Variants in PTPRK observed in about 807,000 individuals in gnomAD.
PTPRK encodes protein tyrosine phosphatase receptor type K.
PTPRK carries 75 observed loss-of-function variants against 178.0 expected under a neutral mutation model. The observed-to-expected ratio is 0.42, with a 90% CI of 0.35 to 0.51. The LOEUF is 0.51. PTPRK is among the 20% of genes least tolerant of loss of function. The probability of loss-of-function intolerance (pLI) is 0.02; values close to 1 mark genes in which losing one functional copy is unlikely to be tolerated. For missense variants in PTPRK, 1,441 were observed against 1,797.8 expected (o/e 0.80, Z 3.59); for synonymous variants, 637 against 620.6 (o/e 1.03, Z -0.39).
At chr6:128,348,626 T>C (rs1832727009) in intron 2 of PTPRK, among the ~76,000 whole-genome samples, 1 of 152,068 alleles carries the variant, frequency 6.6e-6, no homozygotes, top group African/African-American at 2.4e-5. Context: ...GTATGATCGA[T>C]TTTTATTTTT....
At chr6:128,129,455 A>G (rs1793880911) in intron 7 of PTPRK, among the ~76,000 whole-genome samples, 1 of 152,308 alleles carries the variant, frequency 6.6e-6, no homozygotes. Flanking sequence ...CCAGGAATTA[A>G]GTATTCACCT....
chr6:128,027,691 T>C (rs1374535666), intron 13 of PTPRK, among the ~76,000 whole-genome samples: 3 of 152,048 alleles, frequency 2.0e-5, no homozygotes, highest in African/African-American at 7.2e-5. Flanking sequence ...TTCTCCTGGG[T>C]TCAAGCAATT....
chr6:128,044,012 T>C (rs1028474963), intron 13 of PTPRK, among the ~76,000 whole-genome samples: 1 of 152,052 alleles, frequency 6.6e-6, no homozygotes, highest in Non-Finnish European at 1.5e-5. Flanking sequence ...GAATATATAA[T>C]GCTAAGTAAC....
chr6:128,070,592 C>T (rs937997094), intron 11 of PTPRK, among the ~76,000 whole-genome samples: 4 of 151,940 alleles, frequency 2.6e-5, no homozygotes, highest in African/African-American at 9.7e-5. Flanking sequence ...CTAAAACATT[C>T]TTTGTGCAAT....
chr6:128,209,697 C>T (rs1239816430), intron 6 of PTPRK, among the ~76,000 whole-genome samples: 4 of 152,036 alleles, frequency 2.6e-5, no homozygotes, highest in Non-Finnish European at 5.9e-5. Flanking sequence ...GGAAAGGGGT[C>T]CCTAAGTACA....
At chr6:128,399,905 T>C (rs1188451217) in intron 1 of PTPRK, among the ~76,000 whole-genome samples, 1 of 152,226 alleles carries the variant, frequency 6.6e-6, no homozygotes, top group Non-Finnish European at 1.5e-5. Flanking sequence ...AAATCATTAC[T>C]GGTCTACTTG....
intron 24 of PTPRK, 60 bp downstream of exon 24, chr6:127,982,771 T>G: frequency 6.8e-7 from 1 of 1,468,060 alleles, no homozygotes; most frequent in South Asian, 1.3e-5. Flanking sequence ...TTGAAAGGAT[T>G]CCTAGCGCCC....
intron 11 of PTPRK, among the ~76,000 whole-genome samples, chr6:128,069,188 C>T (rs1782375851): frequency 6.6e-6 from 1 of 152,084 alleles, no homozygotes; most frequent in Admixed American, 6.6e-5. Flanking sequence ...TTTAAGCTCC[C>T]ATTTTCCATT....
chr6:128,175,788 C>T (rs970565403), intron 7 of PTPRK, among the ~76,000 whole-genome samples: 5 of 151,636 alleles, frequency 3.3e-5, no homozygotes, highest in African/African-American at 9.7e-5. Context: ...AATTTGGGTA[C>T]GTAAGCTCTA....
chr6:128,349,415 C>G (rs1036409776), intron 2 of PTPRK, among the ~76,000 whole-genome samples: 1 of 151,916 alleles, frequency 6.6e-6, no homozygotes, highest in Non-Finnish European at 1.5e-5. Flanking sequence ...TACAGAAATT[C>G]ATTGTAGTTT....
intron 3 of PTPRK, among the ~76,000 whole-genome samples, chr6:128,302,207 T>G (rs1383094568): frequency 1.3e-5 from 2 of 151,700 alleles, no homozygotes; most frequent in African/African-American, 4.8e-5. Context: ...CCTAACATGG[T>G]GAAACCCCGT....
intron 2 of PTPRK, among the ~76,000 whole-genome samples, chr6:128,368,536 A>C (rs577840805): frequency 5.9e-5 from 9 of 152,190 alleles, no homozygotes; most frequent in African/African-American, 2.2e-4. Flanking sequence ...ATTCCTGTCA[A>C]CTCACTTCCA....
At chr6:128,473,404 ATTTTTTTTTTTT>A (rs67418131) in intron 1 of PTPRK, among the ~76,000 whole-genome samples, 1 of 90,872 alleles carries the variant, frequency 1.1e-5, no homozygotes, top group Non-Finnish European at 2.1e-5. Context: ...TATGGTTACT[ATTTTTTTTTTTT>A]TTTTTTTTTT....
intron 7 of PTPRK, among the ~76,000 whole-genome samples, chr6:128,124,595 TCTC>T (rs1371174814): frequency 3.9e-5 from 6 of 152,098 alleles, no homozygotes; most frequent in East Asian, 3.9e-4. Context: ...TCAAACCTCT[TCTC>T]CTCCACAAAC....
intron 2 of PTPRK, among the ~76,000 whole-genome samples, chr6:128,382,736 A>G (rs1407555957): frequency 1.3e-5 from 2 of 152,012 alleles, no homozygotes; most frequent in Non-Finnish European, 2.9e-5. Context: ...CACCACACCC[A>G]GCCAAAAATT....
intron 7 of PTPRK, among the ~76,000 whole-genome samples, chr6:128,172,481 G>A (rs1800413180): frequency 6.6e-6 from 1 of 151,702 alleles, no homozygotes; most frequent in Admixed American, 6.6e-5. Context: ...TGACTCAAGG[G>A]TTTAAAAAAT....
chr6:128,515,023 A>C (rs1036866625), intron 1 of PTPRK, among the ~76,000 whole-genome samples: 1 of 152,242 alleles, frequency 6.6e-6, no homozygotes, highest in Non-Finnish European at 1.5e-5. Context: ...TTCACAAAAC[A>C]CATTTGCACT....
chr6:128,023,711 T>C (rs1773867005), intron 13 of PTPRK, among the ~76,000 whole-genome samples: 1 of 152,158 alleles, frequency 6.6e-6, no homozygotes, highest in South Asian at 2.1e-4. Context: ...TAGAGTGCAA[T>C]GGAGCTATCT....
chr6:128,269,976 A>T (rs913832578), intron 3 of PTPRK, among the ~76,000 whole-genome samples: 1 of 152,164 alleles, frequency 6.6e-6, no homozygotes, highest in Non-Finnish European at 1.5e-5. Context: ...TGACTGCAAG[A>T]AAGTCTTTAA....
Sources: gnomAD v4.1 joint callset for allele counts (sites outside exome capture counted in the v4.1 genomes callset) on GRCh38, gnomAD v4.1.1 for gene constraint, MANE v1.5 for transcripts, NCBI Gene and HGNC (gene_info 2026-07-23, HGNC 2026-07-21) for gene names.